ECE1: variants seen among roughly 807,000 people sequenced by gnomAD.
The protein encoded by ECE1 is endothelin-converting enzyme 1.
A neutral mutation model predicts 98.6 loss-of-function variants in ECE1; 35 were observed. The ratio of observed to expected loss-of-function variants is 0.35; its 90% CI spans 0.27 to 0.47. The LOEUF (loss-of-function observed/expected upper bound fraction) is 0.47, where lower values mean the gene tolerates loss of function less well. Ranked by LOEUF, ECE1 falls within the 20% of genes least tolerant of loss-of-function variation. ECE1 has a pLI of 1.00. For missense variants in ECE1, 814 were observed against 1,025.3 expected, an observed-to-expected ratio of 0.79 and a Z score of 2.81; for synonymous variants, 394 against 407.1, an observed-to-expected ratio of 0.97 and a Z score of 0.39.
rs892017789 is a variant in ECE1 at position 21,340,789 on chromosome 1, C to T, written c.3+4587G>A. On this transcript the variant is annotated intron_variant, in intron 1 of 18. Coordinates refer to the ECE1 transcript ENST00000415912. This position sits in a 1 kb window ranked among gnomAD's most constrained non-coding sequence, Gnocchi z 4.6. Reference sequence around the variant, plus strand: ...CTGAGGCTGCAGTGAGCTGAGATTGCACCACTGCACTCAGCCTGGGTGACA... The same window carrying T: ...CTGAGGCTGCAGTGAGCTGAGATTGTACCACTGCACTCAGCCTGGGTGACA... 2.0e-5 allele frequency among the ~76,000 whole-genome samples: 3 copies of T among 152,256 alleles called. No individual in the cohort carries two copies. Among genetic ancestry groups the T allele is most frequent in the Admixed American group, 2.0e-4 (3 of 15,300 alleles).
chr1:21,330,347 G>A (rs1639174647), intron 1 of ECE1, among the ~76,000 whole-genome samples: 1 of 145,900 alleles, frequency 6.9e-6, no homozygotes, highest in African/African-American at 2.5e-5. Flanking sequence ...GTGATTCTCA[G>A]CCTCCTGAGT....
intron 1 of ECE1, among the ~76,000 whole-genome samples, chr1:21,339,061 A>T (rs1639353375): frequency 6.6e-6 from 1 of 150,500 alleles, no homozygotes; most frequent in African/African-American, 2.5e-5. Flanking sequence ...GTTAGTGGAG[A>T]CCCAGGCCAG....
intron 7 of ECE1, among the ~76,000 whole-genome samples, chr1:21,256,955 G>A (rs2098220684): frequency 6.6e-6 from 1 of 152,108 alleles, no homozygotes; most frequent in Non-Finnish European, 1.5e-5. Flanking sequence ...GTACATGCCG[G>A]CGGAAGGATG....
At chr1:21,337,549 C>T (rs1457616095) in intron 1 of ECE1, among the ~76,000 whole-genome samples, 1 of 152,192 alleles carries the variant, frequency 6.6e-6, no homozygotes, top group Non-Finnish European at 1.5e-5. Flanking sequence ...TACTATACCA[C>T]AATTTTTAGA....
At chr1:21,260,000 G>GACAC (rs2098224650) in intron 5 of ECE1, among the ~76,000 whole-genome samples, 1 of 152,160 alleles carries the variant, frequency 6.6e-6, no homozygotes, top group Admixed American at 6.5e-5. Context: ...TGCACAGAGA[G>GACAC]ACACACAGAC....
intron 1 of ECE1, among the ~76,000 whole-genome samples, chr1:21,329,803 A>C (rs1320845001): frequency 1.3e-5 from 2 of 152,004 alleles, no homozygotes; most frequent in Non-Finnish European, 2.9e-5. Flanking sequence ...ACTCCCAACC[A>C]CCTTTGCAGA....
At chr1:21,310,661 G>A (rs1305305526) in intron 1 of ECE1, among the ~76,000 whole-genome samples, 11 of 152,072 alleles carry the variant, frequency 7.2e-5, no homozygotes, top group Admixed American at 6.5e-4. Context: ...GACCCCACCC[G>A]AGCTTCCAGG....
chr1:21,274,201 G>A (rs2098243844), intron 3 of ECE1, among the ~76,000 whole-genome samples: 2 of 152,246 alleles, frequency 1.3e-5, no homozygotes, highest in Admixed American at 6.5e-5. Context: ...TATGTGGGAG[G>A]GCGGAGAGCT....
rs1378925952 is a variant in ECE1 at position 21,244,056 on chromosome 1, T to G, written c.1278+933A>C. Among the ~76,000 whole-genome samples the G allele has an allele frequency of 2.6e-5, 4 of 152,260 alleles. No individual in the cohort carries two copies. In the East Asian group the frequency reaches 7.7e-4, roughly 29 times the overall value. ...GCCAATCCTCATCTGGATTGGACTCTGGGAAGGGCTGCAGGAGTGGGGTCC... is the reference window on the plus strand; with the variant it reads ...GCCAATCCTCATCTGGATTGGACTCGGGGAAGGGCTGCAGGAGTGGGGTCC... On this transcript the variant is annotated intron_variant, in intron 10 of 18. Transcript: ENST00000374893.
intron 2 of ECE1, among the ~76,000 whole-genome samples, chr1:21,282,691 G>A (rs1488795695): frequency 1.3e-5 from 2 of 152,006 alleles, no homozygotes; most frequent in African/African-American, 2.4e-5. Context: ...TTGGGATGCA[G>A]GAAAACCTCA....
upstream of ECE1, among the ~76,000 whole-genome samples, chr1:21,291,568 G>A (rs1451331841): frequency 6.6e-6 from 1 of 152,190 alleles, no homozygotes; most frequent in Non-Finnish European, 1.5e-5. Flanking sequence ...GCTCGCGCCT[G>A]TAATCCCAAC....
At position 21,257,606 on chromosome 1, in the gene ECE1, G is replaced by C. The variant is rs769119809; in HGVS notation, c.763-16C>G. 5.6e-6 allele frequency: 9 copies of C among 1,614,162 alleles called. No individual in the cohort carries two copies. The South Asian group carries it at 8.8e-5, about 16-fold the overall frequency. On this transcript the variant is annotated splice_polypyrimidine_tract_variant and intron_variant, in intron 6 of 18. Coordinates refer to ENST00000374893, the MANE Select transcript of ECE1 (RefSeq NM_001397.3). ...ACTGGTCCACCTGGCAAGAGAAGCA[G>C]GCATGAGAGGGAATTCGTGTTGCAA...
At position 21,225,221 on chromosome 1, in the gene ECE1, C is replaced by T. The variant is rs779679838; in HGVS notation, c.2040+29G>A. ...ATCTGGAAGGAGCCAGCACTGGGAC[C>T]GTGCGCGTGTGGGGAGCGGGGCTCT... On this transcript the variant is annotated intron_variant, in intron 17 of 18. Coordinates refer to ENST00000374893, the MANE Select transcript of ECE1 (RefSeq NM_001397.3). The surrounding 1 kb of genome is among the most constrained non-coding windows in gnomAD (Gnocchi z 5.3). The T allele has an allele frequency of 5.0e-6, 8 of 1,612,364 alleles. No individual in the cohort carries two copies. The highest frequency in any genetic ancestry group is 1.3e-5 in the African/African-American group (1 of 75,052).
intron 1 of ECE1, among the ~76,000 whole-genome samples, chr1:21,316,620 C>T (rs1476588255): frequency 6.6e-6 from 1 of 152,102 alleles, no homozygotes; most frequent in Non-Finnish European, 1.5e-5. Flanking sequence ...CTTAGAAACT[C>T]TCCTGTGGTC....
chr1:21,335,279 A>C, intron 1 of ECE1, among the ~76,000 whole-genome samples: 3 of 145,284 alleles, frequency 2.1e-5, no homozygotes, highest in African/African-American at 5.1e-5. Flanking sequence ...CCTCACAGCC[A>C]CTCTCCACCA....
intron 2 of ECE1, among the ~76,000 whole-genome samples, chr1:21,283,364 G>A (rs1197844317): frequency 4.0e-5 from 6 of 151,566 alleles, no homozygotes; most frequent in East Asian, 3.9e-4. Flanking sequence ...TCTGTCTCCC[G>A]AGTTCAAGCA....
intron 4 of ECE1, among the ~76,000 whole-genome samples, chr1:21,261,335 C>T (rs1452777420): frequency 1.3e-5 from 2 of 152,178 alleles, no homozygotes; most frequent in Non-Finnish European, 2.9e-5. Flanking sequence ...CAAACCCCAG[C>T]TCCTTCACAA....
chr1:21,262,342 C>T (rs1018773109), intron 4 of ECE1, among the ~76,000 whole-genome samples: 7 of 152,106 alleles, frequency 4.6e-5, no homozygotes, highest in South Asian at 4.1e-4. Context: ...GAGGGGAGGG[C>T]GGAAATGGGG....
At position 21,345,418 on chromosome 1, in the gene ECE1, G is replaced by C. The variant is rs1395545033; in HGVS notation, c.-40C>G. 32 of 1,320,072 alleles carry C rather than the reference G, an allele frequency of 2.4e-5. No homozygotes were observed. The highest frequency in any genetic ancestry group is 3.1e-5 in the Non-Finnish European group (32 of 1,024,270). The allele number at this position is 1,320,072 out of a possible 1,614,324, so 81.8% of individuals were successfully genotyped here. On this transcript the variant is annotated 5_prime_UTR_variant, in exon 1 of 19. Transcript: ENST00000415912. The surrounding 1 kb of genome is among the most constrained non-coding windows in gnomAD (Gnocchi z 5.1). ...GCCCCGGCTTCGCGCAGCTCCCCGC[G>C]CCCGGCTCCCGATTCCCAGCTCCGG...
Sources: gnomAD v4.1 joint callset for allele counts (sites outside exome capture counted in the v4.1 genomes callset) on GRCh38, gnomAD v4.1.1 for gene constraint, Gnocchi (gnomAD v3.1) non-coding constraint, MANE v1.5 for transcripts, NCBI Gene and HGNC (gene_info 2026-07-23, HGNC 2026-07-21) for gene names.